The following STRN variants were observed in gnomAD, a reference collection of about 807,000 sequenced individuals.
STRN encodes protein phosphatase 2 regulatory subunit B'''alpha.
STRN carries 53 observed loss-of-function variants against 96.3 expected under a neutral mutation model. The observed-to-expected ratio is 0.55, with a 90% CI of 0.44 to 0.69. STRN has a LOEUF of 0.69. STRN is among the 30% of genes least tolerant of loss of function. STRN has a pLI of 0.00. For synonymous variants in STRN, 428 were observed against 355.9 expected (o/e 1.20, Z -2.28); for missense variants, 987 against 963.9 (o/e 1.02, Z -0.32).
intron 6 of STRN, among the ~76,000 whole-genome samples, 164 bp from the exon 7 acceptor site, chr2:36,894,197 A>G (rs1039106850): frequency 2.0e-5 from 3 of 152,242 alleles, no homozygotes; most frequent in South Asian, 2.1e-4. Context: ...TGTACATTAT[A>G]AATTTTAAAG....
intron 6 of STRN, among the ~76,000 whole-genome samples, chr2:36,897,667 G>C (rs914491887): frequency 6.6e-6 from 1 of 151,826 alleles, no homozygotes; most frequent in Non-Finnish European, 1.5e-5. Context: ...TTGATCTCCT[G>C]ACCTAGTGAT....
intron 1 of STRN, among the ~76,000 whole-genome samples, chr2:36,927,617 C>G (rs1169595244): frequency 1.3e-5 from 2 of 150,568 alleles, no homozygotes; most frequent in African/African-American, 4.9e-5. Flanking sequence ...TAGCTTGAGG[C>G]TGGAGTTTGA....
In STRN at chr2:36,851,073, G is replaced by A. The variant is rs200301029; in HGVS notation, c.2013C>T (p.Ile671=). ...ANSSCQINRV[I]SHPTLPISIT... ...TGCTGATCGGAAGAGTAGGATGACT[G>A]ATGACTCTATTTATTTGGCAGGAAG... is the stretch of plus-strand genomic sequence containing the variant. The change falls in exon 16 of 18, where the codon ATC becomes ATT. Residue 671 remains isoleucine (I), a synonymous_variant. Coordinates refer to ENST00000263918, the MANE Select transcript of STRN (RefSeq NM_003162.4). 5.7e-5 allele frequency: 92 copies of A among 1,613,540 alleles called. No individual in the cohort carries two copies. Among genetic ancestry groups the A allele is most frequent in the Non-Finnish European group, 7.7e-5 (91 of 1,179,798 alleles).
chr2:36,923,349 G>A (rs1414952617), intron 2 of STRN, among the ~76,000 whole-genome samples: 1 of 150,666 alleles, frequency 6.6e-6, no homozygotes, highest in Non-Finnish European at 1.5e-5. Flanking sequence ...AACTCGGGAG[G>A]CTGAGACAGG....
chr2:36,954,109 A>T (rs922211091), intron 1 of STRN, among the ~76,000 whole-genome samples: 13 of 152,220 alleles, frequency 8.5e-5, no homozygotes, highest in African/African-American at 2.9e-4. Context: ...AAAGTGCTTG[A>T]TCTTTGCTAT....
chr2:36,917,413 C>T (rs1433116520), intron 2 of STRN, among the ~76,000 whole-genome samples: 1 of 150,724 alleles, frequency 6.6e-6, no homozygotes, highest in Non-Finnish European at 1.5e-5. Context: ...CCCAGTTACT[C>T]GGGAGGCTAA....
chr2:36,864,869 C>G (rs939252794), intron 12 of STRN, among the ~76,000 whole-genome samples: 8 of 152,138 alleles, frequency 5.3e-5, no homozygotes, highest in African/African-American at 1.9e-4. Context: ...CCTGCCACCA[C>G]GCCCAGCTAA....
chr2:36,840,269 G>C lies in STRN; in HGVS notation c.*9187C>G, dbSNP rs936459975. 3 of 152,392 alleles carry C rather than the reference G, an allele frequency of 2.0e-5. No individual in the cohort carries two copies. Among genetic ancestry groups the C allele is most frequent in the Non-Finnish European group, 4.4e-5 (3 of 68,220 alleles). The allele number at this position is 152,392 out of a possible 1,614,324, so 9.4% of individuals were successfully genotyped here. ...TTTCAACTGATCAGAGGCCAGTGGG[G>C]AACAGGGGATGAGCAGAGGAGATAT... On this transcript the variant is annotated 3_prime_UTR_variant, in exon 18 of 18. Transcript: ENST00000263918.
chr2:36,905,239 G>T (rs1051587968), intron 4 of STRN, among the ~76,000 whole-genome samples: 1 of 152,102 alleles, frequency 6.6e-6, no homozygotes, highest in Non-Finnish European at 1.5e-5. Flanking sequence ...AAAGTGCTGG[G>T]ATTACAGGTG....
chr2:36,890,477 CTTT>C (rs1163881782), intron 7 of STRN, among the ~76,000 whole-genome samples: 4 of 104,612 alleles, frequency 3.8e-5, no homozygotes, highest in East Asian at 5.5e-4. Flanking sequence ...CACCAGAAAA[CTTT>C]TTTTTTTTTT....
At chr2:36,874,997 A>G (rs908376164) in intron 10 of STRN, among the ~76,000 whole-genome samples, 24 of 152,264 alleles carry the variant, frequency 1.6e-4, no homozygotes, top group Admixed American at 6.5e-5. Flanking sequence ...TATAGAGTGT[A>G]CAAAACAATA....
intron 1 of STRN, among the ~76,000 whole-genome samples, chr2:36,955,887 T>C (rs1351754206): frequency 6.6e-6 from 1 of 152,238 alleles, no homozygotes; most frequent in Non-Finnish European, 1.5e-5. Context: ...AATTCATTTA[T>C]GTTTCATATA....
At position 36,847,315 on chromosome 2, in the gene STRN, G is replaced by T. The variant is rs945510794; in HGVS notation, c.*2141C>A. On this transcript the variant is annotated 3_prime_UTR_variant, in exon 18 of 18. Transcript: ENST00000263918. ...AAAGCAGTAACTGAAGATCTTAGAA[G>T]GTAATTAATAACTGGTAGAACAATA... is the stretch of plus-strand genomic sequence containing the variant. The T allele has an allele frequency of 6.6e-6, 1 of 152,060 alleles. No individual in the cohort carries two copies. The highest frequency in any genetic ancestry group is 2.4e-5 in the African/African-American group (1 of 41,412). 9.4% of individuals were successfully genotyped at this position (152,060 alleles called of 1,614,324 possible).
intron 13 of STRN, among the ~76,000 whole-genome samples, chr2:36,860,632 T>C (rs1450524687): frequency 3.9e-5 from 6 of 152,238 alleles, no homozygotes; most frequent in Admixed American, 3.9e-4. Flanking sequence ...ATTTATGATG[T>C]ATGGTATTGT....
intron 4 of STRN, 192 bp from the exon 5 acceptor site, chr2:36,902,943 C>A (rs913507678): frequency 1.1e-5 from 4 of 373,382 alleles, no homozygotes; most frequent in Non-Finnish European, 1.9e-5. Flanking sequence ...CCAGCCTCTA[C>A]AGTCACTGAG....
At chr2:36,958,763 C>G (rs752508158) in intron 1 of STRN, among the ~76,000 whole-genome samples, 1 of 152,180 alleles carries the variant, frequency 6.6e-6, no homozygotes, top group Non-Finnish European at 1.5e-5. Context: ...ACTGAGAAAT[C>G]TGCAGAACTA....
intron 3 of STRN, among the ~76,000 whole-genome samples, chr2:36,911,401 G>T (rs944732832): frequency 2.0e-5 from 3 of 151,882 alleles, no homozygotes; most frequent in Admixed American, 6.6e-5. Context: ...CTTTAATTTA[G>T]CTGGGACCTC....
intron 1 of STRN, among the ~76,000 whole-genome samples, chr2:36,953,619 G>A (rs1482283576): frequency 6.6e-6 from 1 of 151,996 alleles, no homozygotes; most frequent in Admixed American, 6.6e-5. Context: ...AGCCAGGATG[G>A]TCTCGATCTC....
intron 1 of STRN, among the ~76,000 whole-genome samples, chr2:36,931,348 T>C (rs1199178381): frequency 6.6e-6 from 1 of 152,202 alleles, no homozygotes; most frequent in Non-Finnish European, 1.5e-5. Context: ...TCTAAACTGC[T>C]GTAAAGGAGA....
Sources: allele counts gnomAD v4.1 joint callset (sites outside exome capture counted in the v4.1 genomes callset), GRCh38; gene constraint gnomAD v4.1.1; transcripts MANE v1.5; gene names NCBI Gene and HGNC (gene_info 2026-07-23, HGNC 2026-07-21).